Variants in C10orf67 observed in about 807,000 individuals in gnomAD.
The protein encoded by C10orf67 is chromosome 10 open reading frame 67, also known as uncharacterized protein C10orf67, mitochondrial.
Under a neutral mutation model 35.6 loss-of-function variants are expected in C10orf67, and 60 were observed. The observed-to-expected ratio is 1.68, with a 90% CI of 1.37 to 2.09. The LOEUF (loss-of-function observed/expected upper bound fraction) is 2.09, where lower values mean the gene tolerates loss of function less well. Among genes scored for constraint, C10orf67 ranks in the 30% most tolerant of loss-of-function variants. C10orf67 has a pLI of 0.00. For synonymous variants in C10orf67, 167 were observed against 115.8 expected (o/e 1.44, Z -2.84); for missense variants, 474 against 330.2 (o/e 1.44, Z -3.38).
intron 13 of C10orf67, among the ~76,000 whole-genome samples, chr10:23,235,009 T>C (rs1358732346): frequency 3.0e-5 from 2 of 65,594 alleles, no homozygotes; most frequent in East Asian, 6.5e-4. Flanking sequence ...CGAAATTCCA[T>C]CTCAAAAAAA....
intron 7 of C10orf67, among the ~76,000 whole-genome samples, chr10:23,287,299 CA>C (rs1257590740): frequency 6.6e-6 from 1 of 152,082 alleles, no homozygotes; most frequent in African/African-American, 2.4e-5. Context: ...TGGAGCAGAA[CA>C]GAGACCTCAG....
intron 12 of C10orf67, among the ~76,000 whole-genome samples, chr10:23,250,032 T>C (rs980792592): frequency 1.3e-5 from 2 of 152,110 alleles, no homozygotes; most frequent in Non-Finnish European, 2.9e-5. Context: ...GAAAAATAGA[T>C]TTGAGAGGTT....
intron 13 of C10orf67, among the ~76,000 whole-genome samples, chr10:23,229,409 G>A (rs1032521729): frequency 2.5e-5 from 3 of 122,092 alleles, no homozygotes; most frequent in African/African-American, 9.3e-5. Flanking sequence ...CAGGAAGGGG[G>A]ACATCATACA....
In C10orf67 at chr10:23,265,336, C is replaced by A. The variant is rs372018628; in HGVS notation, c.1200+926G>T. Among the ~76,000 whole-genome samples, 5 of 152,230 alleles carry A rather than the reference C, an allele frequency of 3.3e-5. No homozygotes were observed. In the East Asian group the frequency reaches 7.7e-4, roughly 23 times the overall value. On this transcript the variant is annotated intron_variant, in intron 10 of 15. Transcript: ENST00000636213. ...AAGGATGCACACGGTGTGCACAATT[C>A]TGTTCCACTCCTCCATGCTCTAAGT...
At chr10:23,282,444 T>G (rs1050686694) in intron 7 of C10orf67, among the ~76,000 whole-genome samples, 1 of 152,216 alleles carries the variant, frequency 6.6e-6, no homozygotes, top group Non-Finnish European at 1.5e-5. Flanking sequence ...AAACCACATT[T>G]ATGCCAATTG....
chr10:23,330,880 C>T (rs981201848), intron 2 of C10orf67, among the ~76,000 whole-genome samples: 31 of 152,004 alleles, frequency 2.0e-4, no homozygotes, highest in Non-Finnish European at 4.3e-4. Context: ...TTGTTTCAAC[C>T]TCACGGTTCA....
At chr10:23,314,814 A>AT (rs1844638083) in intron 4 of C10orf67, among the ~76,000 whole-genome samples, 1 of 152,212 alleles carries the variant, frequency 6.6e-6, no homozygotes, top group African/African-American at 2.4e-5. Context: ...GAGAGACTCT[A>AT]GCAAGACAGA....
intron 4 of C10orf67, among the ~76,000 whole-genome samples, chr10:23,309,019 C>A (rs1844394121): frequency 6.6e-6 from 1 of 152,002 alleles, no homozygotes; most frequent in African/African-American, 2.4e-5. Context: ...TGCTTACTTT[C>A]TAACTAATTT....
At chr10:23,334,619 C>G (rs1384150952) in intron 1 of C10orf67, among the ~76,000 whole-genome samples, 1 of 152,234 alleles carries the variant, frequency 6.6e-6, no homozygotes, top group Non-Finnish European at 1.5e-5. Context: ...AGTATAACTC[C>G]AAGCTGGGCT....
chr10:23,203,291 G>A lies in C10orf67; in HGVS notation c.*882C>T, dbSNP rs1044882834. The A allele has an allele frequency of 1.3e-5, 2 of 152,210 alleles. No individual in the cohort carries two copies. The highest frequency in any genetic ancestry group is 2.9e-5 in the Non-Finnish European group (2 of 68,048). 9.4% of individuals were successfully genotyped at this position (152,210 alleles called of 1,614,324 possible). ...CATGTACTTGCGTTGAAAAGAACAC[G>A]TCTCTCTCCAATTAAATCTTGTTCC... On this transcript the variant is annotated 3_prime_UTR_variant, in exon 16 of 16. Coordinates refer to ENST00000636213, the MANE Select transcript of C10orf67 (RefSeq NM_001371909.1).
rs59247961 is a variant in C10orf67 at position 23,209,998 on chromosome 10, TAAAAAA to T, written c.1571-5749_1571-5744del. On this transcript the variant is annotated intron_variant, in intron 15 of 15. Transcript: ENST00000636213. ...TTGGGCAATAGAGCCAGACCTTGGC[TAAAAAA>T]AAAAAAAAAAAAAAAAAAGGAATTA... is the stretch of plus-strand genomic sequence containing the variant. Among the ~76,000 whole-genome samples, 416 of 67,208 alleles carry T rather than the reference TAAAAAA, an allele frequency of 6.2e-3. 5 individuals carry two copies. Among genetic ancestry groups the T allele is most frequent in the African/African-American group, 0.022 (392 of 17,462 alleles). The allele number at this position is 67,208 out of a possible 152,430, so 44.1% of individuals were successfully genotyped here. A position where few individuals can be genotyped will look rare whatever the true frequency, so the allele number is the denominator to read the frequency against.
At chr10:23,304,198 G>T (rs1347525302) in intron 4 of C10orf67, among the ~76,000 whole-genome samples, 3 of 152,172 alleles carry the variant, frequency 2.0e-5, no homozygotes, top group African/African-American at 7.2e-5. Context: ...GCCTTCAGAA[G>T]CAGGTTGGCT....
chr10:23,341,854 C>G (rs374175693), intron 1 of C10orf67, among the ~76,000 whole-genome samples: 10 of 152,188 alleles, frequency 6.6e-5, no homozygotes, highest in African/African-American at 1.2e-4. Context: ...CTCAGTGAAG[C>G]CTTCCCTGAT....
At chr10:23,323,897 A>AG (rs1845062032) in intron 2 of C10orf67, among the ~76,000 whole-genome samples, 1 of 2,904 alleles carries the variant, frequency 3.4e-4, no homozygotes, top group Non-Finnish European at 5.0e-4. Flanking sequence ...CCGTCTAAAT[A>AG]TATATATATA....
intron 1 of C10orf67, 66 bp from the exon 2 acceptor site, chr10:23,333,248 C>T (rs939287987): frequency 1.2e-5 from 17 of 1,417,494 alleles, no homozygotes; most frequent in African/African-American, 4.3e-5. Flanking sequence ...GATGTTAATG[C>T]GTCTTTTTTT....
chr10:23,308,319 G>C (rs1053451520), intron 4 of C10orf67, among the ~76,000 whole-genome samples: 1 of 151,998 alleles, frequency 6.6e-6, no homozygotes, highest in Non-Finnish European at 1.5e-5. Context: ...CTCTTGTTTT[G>C]TCACTTCCCT....
rs142080832 is a variant in C10orf67, at chr10:23,208,492, C to A, written c.1571-4237G>T. Among the ~76,000 whole-genome samples the A allele has an allele frequency of 8.7e-4, 132 of 152,290 alleles. 1 individual carries two copies. Among genetic ancestry groups the A allele is most frequent in the African/African-American group, 3.0e-3 (125 of 41,560 alleles). On this transcript the variant is annotated intron_variant, in intron 15 of 15. Coordinates refer to ENST00000636213, the MANE Select transcript of C10orf67 (RefSeq NM_001371909.1). Reference sequence around the variant, plus strand: ...TGCAGACAGACCTCAGGAGGCCCACCTTACCTCATGGGACTTCCACAAATC... The same window carrying A: ...TGCAGACAGACCTCAGGAGGCCCACATTACCTCATGGGACTTCCACAAATC...
intron 15 of C10orf67, among the ~76,000 whole-genome samples, chr10:23,205,262 A>G (rs1405119779): frequency 6.6e-6 from 1 of 152,188 alleles, no homozygotes. Flanking sequence ...GCTTTCTTTA[A>G]AGTAATGTCC....
intron 8 of C10orf67, 50 bp downstream of exon 8, chr10:23,281,963 A>G (rs1237762925): frequency 3.7e-6 from 2 of 537,670 alleles, no homozygotes; most frequent in Admixed American, 3.9e-5. Context: ...TCATGGTTAA[A>G]TTAAATTCCT....
Sources: allele counts gnomAD v4.1 joint callset (sites outside exome capture counted in the v4.1 genomes callset), GRCh38; gene constraint gnomAD v4.1.1; transcripts MANE v1.5; gene names NCBI Gene and HGNC (gene_info 2026-07-23, HGNC 2026-07-21).